The following RASGEF1A variants were observed in gnomAD, a reference collection of about 807,000 sequenced individuals.
The protein encoded by RASGEF1A is RasGEF domain family member 1A, also known as ras-GEF domain-containing family member 1A.
RASGEF1A carries 18 observed loss-of-function variants against 56.4 expected under a neutral mutation model. That is an observed-to-expected ratio of 0.32 (90% CI 0.22 to 0.47). The LOEUF (loss-of-function observed/expected upper bound fraction) is 0.47, where lower values mean the gene tolerates loss of function less well. Among genes scored for constraint, RASGEF1A ranks in the 20% least tolerant of loss-of-function variants. The pLI is 1.00. For synonymous variants in RASGEF1A, 245 were observed against 242.6 expected, an observed-to-expected ratio of 1.01 and a Z score of -0.09; for missense variants, 422 against 627.1, an observed-to-expected ratio of 0.67 and a Z score of 3.49.
At chr10:43,226,539 TC>T (rs943681902) in intron 1 of RASGEF1A, among the ~76,000 whole-genome samples, 28 of 151,658 alleles carry the variant, frequency 1.8e-4, no homozygotes, top group African/African-American at 6.1e-4. Context: ...CACCTGACTG[TC>T]CCCGGGTTCC....
At chr10:43,261,349 C>T (rs1836523863) in intron 1 of RASGEF1A, among the ~76,000 whole-genome samples, 2 of 152,196 alleles carry the variant, frequency 1.3e-5, no homozygotes, top group African/African-American at 4.8e-5. Flanking sequence ...GAGGAAGGGG[C>T]ACGGGGCATA....
In RASGEF1A at chr10:43,266,881, G is replaced by A. The variant is rs892605973; in HGVS notation, c.-43C>T. On this transcript the variant is annotated 5_prime_UTR_variant, in exon 1 of 13. It introduces an in-frame stop codon into an upstream open reading frame of the 5' UTR. Transcript: ENST00000395810. ...CCAGCGTCGCTCCCGCGCCGCCCTC[G>A]CGCCGCAGTCGGGCCCCGAGCAGCG... The A allele has an allele frequency of 1.4e-5, 2 of 145,890 alleles. No homozygotes were observed. Among genetic ancestry groups the A allele is most frequent in the Non-Finnish European group, 3.0e-5 (2 of 65,726 alleles). The allele number at this position is 145,890 out of a possible 1,614,324, so 9.0% of individuals were successfully genotyped here.
chr10:43,227,154 A>G (rs1840290693), intron 1 of RASGEF1A, among the ~76,000 whole-genome samples: 1 of 152,184 alleles, frequency 6.6e-6, no homozygotes, highest in Non-Finnish European at 1.5e-5. Context: ...ACTCACCAGC[A>G]GTTCCCTGGA....
chr10:43,233,738 G>C (rs1194807720), intron 1 of RASGEF1A, among the ~76,000 whole-genome samples: 1 of 152,184 alleles, frequency 6.6e-6, no homozygotes, highest in Non-Finnish European at 1.5e-5. Context: ...GACCACACCA[G>C]GCCCAGAAAT....
intron 1 of RASGEF1A, among the ~76,000 whole-genome samples, chr10:43,242,668 G>C (rs1840515923): frequency 6.6e-6 from 1 of 151,688 alleles, no homozygotes; most frequent in Non-Finnish European, 1.5e-5. Context: ...AAGTGCCTGG[G>C]ATTCCAGGCA....
chr10:43,245,999 G>A (rs1161386892), intron 1 of RASGEF1A, among the ~76,000 whole-genome samples: 1 of 151,970 alleles, frequency 6.6e-6, no homozygotes, highest in Non-Finnish European at 1.5e-5. Flanking sequence ...CTCATATATA[G>A]GAAGTCCTAA....
chr10:43,245,625 T>G (rs544338558), intron 1 of RASGEF1A, among the ~76,000 whole-genome samples: 34 of 152,268 alleles, frequency 2.2e-4, no homozygotes, highest in Middle Eastern at 3.4e-3. Context: ...TAGATCAACA[T>G]ACAAAGATCA....
Position 43,205,909 on chromosome 10 carries a change from A to G in RASGEF1A, c.198+10T>C, listed in dbSNP as rs750507578. The G allele has an allele frequency of 3.1e-6, 5 of 1,606,138 alleles. No homozygotes were observed. Among genetic ancestry groups the G allele is most frequent in the Non-Finnish European group, 4.3e-6 (5 of 1,173,704 alleles). Reference sequence around the variant, plus strand: ...CATTAGTCTCACTCCACAAGGCCCCACGTACTCACATCGGGGTAATAGTCC... The same window carrying G: ...CATTAGTCTCACTCCACAAGGCCCCGCGTACTCACATCGGGGTAATAGTCC... On this transcript the variant is annotated intron_variant, in intron 2 of 12. Transcript: ENST00000395810.
intron 1 of RASGEF1A, among the ~76,000 whole-genome samples, chr10:43,265,240 C>A (rs1395642805): frequency 6.6e-6 from 1 of 152,254 alleles, no homozygotes; most frequent in East Asian, 1.9e-4. Context: ...TGGAAGGGAG[C>A]CATCCGGCTG....
chr10:43,205,373 AAGGG>A (rs1173089854), intron 2 of RASGEF1A, among the ~76,000 whole-genome samples: 1 of 152,120 alleles, frequency 6.6e-6, no homozygotes, highest in African/African-American at 2.4e-5. Flanking sequence ...TTGAGGTGAA[AAGGG>A]AGGATTAGGG....
At position 43,264,788 on chromosome 10, in the gene RASGEF1A, A is replaced by G. The variant is rs538926617; in HGVS notation, c.-7+2057T>C. Among the ~76,000 whole-genome samples the G allele has an allele frequency of 2.3e-3, 352 of 152,082 alleles. 2 individuals are homozygous for G. The highest frequency in any genetic ancestry group is 8.0e-3 in the African/African-American group (330 of 41,478). On this transcript the variant is annotated intron_variant, in intron 1 of 12. Transcript: ENST00000395810. ...GCCCCTCCCCTGGGGTGGGCCATGC[A>G]GAGAAGAGCATCCCTCCACCAGCCC...
chr10:43,231,281 G>A (rs1271808164), intron 1 of RASGEF1A, among the ~76,000 whole-genome samples: 1 of 152,258 alleles, frequency 6.6e-6, no homozygotes, highest in Non-Finnish European at 1.5e-5. Context: ...GCTTCATGGA[G>A]AGCACCAAGA....
intron 1 of RASGEF1A, among the ~76,000 whole-genome samples, chr10:43,219,374 C>A (rs561224363): frequency 6.6e-6 from 1 of 152,116 alleles, no homozygotes; most frequent in East Asian, 1.9e-4. Flanking sequence ...TAGGGTGCCA[C>A]GGAGGAGGGG....
chr10:43,228,631 C>G (rs536246490), intron 1 of RASGEF1A, among the ~76,000 whole-genome samples: 16 of 152,332 alleles, frequency 1.1e-4, no homozygotes, highest in Admixed American at 9.1e-4. Context: ...GCTGCTCTAT[C>G]GCTGCAGAAT....
intron 1 of RASGEF1A, among the ~76,000 whole-genome samples, chr10:43,214,811 A>C (rs1019679641): frequency 2.3e-4 from 35 of 152,250 alleles, no homozygotes; most frequent in African/African-American, 7.9e-4. Context: ...CATCGTTAGG[A>C]GTTAGAGTGA....
At chr10:43,209,547 C>T (rs968793713) in intron 1 of RASGEF1A, among the ~76,000 whole-genome samples, 17 of 152,196 alleles carry the variant, frequency 1.1e-4, no homozygotes, top group African/African-American at 4.1e-4. Flanking sequence ...GTGCTGGGCA[C>T]CAGGTGCCTC....
intron 1 of RASGEF1A, among the ~76,000 whole-genome samples, chr10:43,232,333 C>A (rs1223455563): frequency 6.6e-6 from 1 of 152,184 alleles, no homozygotes; most frequent in East Asian, 1.9e-4. Flanking sequence ...CTTGCTCCTG[C>A]CATGTGAGAC....
At chr10:43,222,638 T>C (rs1054631752) in intron 1 of RASGEF1A, among the ~76,000 whole-genome samples, 7 of 152,266 alleles carry the variant, frequency 4.6e-5, no homozygotes, top group Admixed American at 1.3e-4. Flanking sequence ...TTCCTCTTAC[T>C]GTTCATCTGT....
intron 1 of RASGEF1A, among the ~76,000 whole-genome samples, chr10:43,239,832 C>T (rs1340713786): frequency 3.3e-5 from 5 of 152,224 alleles, no homozygotes; most frequent in Non-Finnish European, 5.9e-5. Flanking sequence ...CCCCAAGGTT[C>T]ATTGTCAAAA....
Sources: gnomAD v4.1 joint callset for allele counts (sites outside exome capture counted in the v4.1 genomes callset) on GRCh38, gnomAD v4.1.1 for gene constraint, MANE v1.5 for transcripts, NCBI Gene and HGNC (gene_info 2026-07-23, HGNC 2026-07-21) for gene names.